Variants in CADPS observed in about 807,000 individuals in gnomAD.
CADPS encodes the protein calcium-dependent secretion activator 1.
In CADPS, 57 loss-of-function variants were observed where a neutral mutation model predicts 167.3. That is an observed-to-expected ratio of 0.34 (90% confidence interval 0.28 to 0.42). The LOEUF is 0.42. CADPS is among the 20% of genes least tolerant of loss of function. The pLI, the probability that CADPS is intolerant of heterozygous loss-of-function variation, is 1.00. For synonymous variants in CADPS, 676 were observed against 635.3 expected (o/e 1.06, Z -0.96); for missense variants, 1,414 against 1,738.1 (o/e 0.81, Z 3.32).
chr3:62,498,227 T>C, intron 18 of CADPS: 1 of 456,404 alleles, frequency 2.2e-6, no homozygotes, highest in Non-Finnish European at 4.4e-6. Context: ...AATCAGGCAT[T>C]AGTCGGGACG....
intron 5 of CADPS, among the ~76,000 whole-genome samples, chr3:62,650,461 C>T (rs776019853): frequency 2.0e-5 from 3 of 152,152 alleles, no homozygotes; most frequent in African/African-American, 4.8e-5. Flanking sequence ...TTGTAGCCAA[C>T]AGGAAGGATG....
At chr3:62,856,701 A>G (rs2079755172) in intron 1 of CADPS, among the ~76,000 whole-genome samples, 1 of 151,992 alleles carries the variant, frequency 6.6e-6, no homozygotes, top group Non-Finnish European at 1.5e-5. Context: ...TAATATTAAT[A>G]CAATAAAAAT....
At chr3:62,495,426 A>T (rs1028381085) in intron 18 of CADPS, among the ~76,000 whole-genome samples, 2 of 152,228 alleles carry the variant, frequency 1.3e-5, no homozygotes, top group African/African-American at 2.4e-5. Context: ...TATTTATTTT[A>T]TGCTTGCTCA....
chr3:62,699,966 C>T (rs9831702), intron 3 of CADPS, among the ~76,000 whole-genome samples: 78,360 of 151,906 alleles, frequency 0.52, 21,071 homozygotes, highest in African/African-American at 0.62. Context: ...ACACAGACCA[C>T]GTGGCCTGCA....
intron 1 of CADPS, among the ~76,000 whole-genome samples, chr3:62,856,337 C>A (rs887251755): frequency 1.3e-5 from 2 of 152,078 alleles, no homozygotes; most frequent in African/African-American, 4.8e-5. Flanking sequence ...AATTGAGGCA[C>A]ATCAAAACCT....
intron 5 of CADPS, among the ~76,000 whole-genome samples, chr3:62,646,972 T>G (rs1386374484): frequency 1.3e-5 from 2 of 152,210 alleles, no homozygotes; most frequent in African/African-American, 4.8e-5. Context: ...CATTTACAGT[T>G]TCTGGCACTT....
Position 62,399,000 on chromosome 3 carries a change from T to C in CADPS, c.*406A>G, listed in dbSNP as rs961248960. The C allele has an allele frequency of 6.4e-5, 10 of 155,396 alleles. No individual in the cohort carries two copies. Among genetic ancestry groups the C allele is most frequent in the Middle Eastern group, 6.7e-3 (2 of 300 alleles). The allele number at this position is 155,396 out of a possible 1,614,324, so 9.6% of individuals were successfully genotyped here. A position where few individuals can be genotyped will look rare whatever the true frequency, so the allele number is the denominator to read the frequency against. ...TTTAATTAATTTATTTACGTACTCA[T>C]TTAATTAACTGGCATCCACATACGT... On this transcript the variant is annotated 3_prime_UTR_variant, in exon 30 of 30. Coordinates refer to ENST00000383710, the MANE Select transcript of CADPS (RefSeq NM_003716.4).
chr3:62,759,119 T>C (rs770953761), intron 2 of CADPS, among the ~76,000 whole-genome samples: 18 of 152,204 alleles, frequency 1.2e-4, no homozygotes, highest in Non-Finnish European at 2.4e-4. Context: ...GGATGGGCCC[T>C]GGTATTAGAA....
intron 23 of CADPS, among the ~76,000 whole-genome samples, chr3:62,475,154 T>G (rs995739859): frequency 2.6e-5 from 4 of 152,208 alleles, no homozygotes; most frequent in Non-Finnish European, 5.9e-5. Context: ...TTGGTCAAAT[T>G]AGGATCTCAG....
intron 1 of CADPS, among the ~76,000 whole-genome samples, chr3:62,842,351 T>C (rs2076763599): frequency 6.6e-6 from 1 of 152,202 alleles, no homozygotes; most frequent in Non-Finnish European, 1.5e-5. Flanking sequence ...ATGGTAGGGA[T>C]AGGATTGGAA....
At chr3:62,723,319 C>T (rs2076152320) in intron 3 of CADPS, among the ~76,000 whole-genome samples, 1 of 152,116 alleles carries the variant, frequency 6.6e-6, no homozygotes, top group East Asian at 1.9e-4. Context: ...CCGAGTGTGA[C>T]CAGGCTCTAA....
At chr3:62,721,133 T>TA (rs2075730717) in intron 3 of CADPS, among the ~76,000 whole-genome samples, 12 of 111,840 alleles carry the variant, frequency 1.1e-4, no homozygotes, top group East Asian at 7.7e-4. Flanking sequence ...TTTTTTTTTT[T>TA]TAAAAAAAAA....
At chr3:62,424,458 C>T (rs1314866849) in intron 28 of CADPS, among the ~76,000 whole-genome samples, 2 of 152,132 alleles carry the variant, frequency 1.3e-5, no homozygotes, top group Non-Finnish European at 2.9e-5. Context: ...GCTGGTACTA[C>T]AGGCATGAGC....
At chr3:62,803,940 CT>C (rs1342117587) in intron 1 of CADPS, among the ~76,000 whole-genome samples, 1 of 152,052 alleles carries the variant, frequency 6.6e-6, no homozygotes, top group Non-Finnish European at 1.5e-5. Context: ...GTCCTTCTTC[CT>C]AGGTACCCTT....
chr3:62,838,288 T>C (rs1159575862), intron 1 of CADPS, among the ~76,000 whole-genome samples: 1 of 152,178 alleles, frequency 6.6e-6, no homozygotes, highest in East Asian at 1.9e-4. Context: ...GGCTACACAA[T>C]TGAAAGTGTT....
intron 4 of CADPS, among the ~76,000 whole-genome samples, chr3:62,658,383 T>G (rs1579817624): frequency 6.6e-6 from 1 of 152,052 alleles, no homozygotes; most frequent in African/African-American, 2.4e-5. Flanking sequence ...AAGGGCATAA[T>G]GGATCCTTGG....
At chr3:62,477,202 T>C (rs886453996) in intron 23 of CADPS, among the ~76,000 whole-genome samples, 1 of 152,064 alleles carries the variant, frequency 6.6e-6, no homozygotes, top group Non-Finnish European at 1.5e-5. Context: ...TATGAAATAA[T>C]AAATTCAAAG....
chr3:62,772,277 G>T (rs976232096), intron 1 of CADPS, among the ~76,000 whole-genome samples: 1 of 151,610 alleles, frequency 6.6e-6, no homozygotes, highest in East Asian at 1.9e-4. Context: ...TTCTTTCTTG[G>T]CCCTTCTAGT....
At chr3:62,870,351 C>A (rs1444368252) in intron 1 of CADPS, among the ~76,000 whole-genome samples, 2 of 152,064 alleles carry the variant, frequency 1.3e-5, no homozygotes, top group South Asian at 2.1e-4. Flanking sequence ...TCTGAGTAGA[C>A]AACTTTATTA....
Sources: gnomAD v4.1 joint callset for allele counts (sites outside exome capture counted in the v4.1 genomes callset) on GRCh38, gnomAD v4.1.1 for gene constraint, MANE v1.5 for transcripts, NCBI Gene and HGNC (gene_info 2026-07-23, HGNC 2026-07-21) for gene names.